Variants in POLG observed in about 807,000 individuals in gnomAD.
POLG encodes DNA polymerase gamma, catalytic subunit, also known as DNA polymerase subunit gamma-1.
A neutral mutation model predicts 155.4 loss-of-function variants in POLG; 110 were observed. The ratio of observed to expected loss-of-function variants is 0.71; its 90% CI spans 0.61 to 0.83. The LOEUF is 0.83. Ranked by LOEUF, POLG falls within the 40% of genes least tolerant of loss-of-function variation. POLG has a pLI of 0.00. For synonymous variants in POLG, 701 were observed against 631.5 expected (o/e 1.11, Z -1.65); for missense variants, 1,685 against 1,627.5 (o/e 1.04, Z -0.61).
chr15:89,322,653 G>T, intron 14 of POLG, 89 bp downstream of exon 14: 2 of 1,413,522 alleles, frequency 1.4e-6, no homozygotes, highest in Non-Finnish European at 2.0e-6. Context: ...AGTCAGGCTG[G>T]CCCTCTGTGG....
chr15:89,317,449 C>A lies in POLG; in HGVS notation c.3570G>T (p.Arg1190Ser), dbSNP rs531174853. 2 of 1,614,120 alleles carry A rather than the reference C, an allele frequency of 1.2e-6. No homozygotes were observed. The highest frequency in any genetic ancestry group is 2.7e-5 in the African/African-American group (2 of 75,032). Residue 1190 changes from arginine (R) to serine (S), a missense_variant, in exon 22 of 23, where the codon AGG becomes AGT. Coordinates refer to ENST00000268124, the MANE Select transcript of POLG (RefSeq NM_002693.3). The stretch of plus-strand genomic sequence containing the variant: ...TTTTACAATCCATGGTCACTTCCTT[C>A]CTGAGGCACCGGTCAATATCGACTG... ...FSAVDIDRCL[R>S]KEVTMDCKTP... is the part of the protein sequence containing the mutation.
chr15:89,325,774 C>G, intron 9 of POLG, 88 bp from the exon 10 acceptor site: 1 of 1,045,442 alleles, frequency 9.6e-7, no homozygotes, highest in Non-Finnish European at 1.5e-6. Context: ...TCCCCACCCA[C>G]CCTCCAAAGC....
chr15:89,318,809 G>C, intron 20 of POLG, 60 bp from the exon 21 acceptor site: 1 of 1,560,088 alleles, frequency 6.4e-7, no homozygotes. Flanking sequence ...TTAACTCCAG[G>C]GTAGAAGCCC....
chr15:89,329,506 G>A (rs1368962993), intron 3 of POLG, among the ~76,000 whole-genome samples: 5 of 152,178 alleles, frequency 3.3e-5, no homozygotes, highest in Non-Finnish European at 7.3e-5. Flanking sequence ...AAGGCTGTCT[G>A]AGCCTCAGCA....
In POLG at chr15:89,318,914, C is replaced by T. The variant is rs368578878; in HGVS notation, c.3273+17G>A. On this transcript the variant is annotated intron_variant, in intron 20 of 22. Coordinates refer to ENST00000268124, the MANE Select transcript of POLG (RefSeq NM_002693.3). ...CCCTGGGGCCCCTCTGCCCATGCTC[C>T]AAAGGTAGCAAGATACCTCTTCCTG... The T allele has an allele frequency of 1.9e-6, 3 of 1,614,018 alleles. No homozygotes were observed. The highest frequency in any genetic ancestry group is 1.7e-5 in the Admixed American group (1 of 60,030).
chr15:89,321,237 C>T lies in POLG; in HGVS notation c.2622G>A (p.Leu874=). The T allele has an allele frequency of 1.2e-6, 2 of 1,614,180 alleles. No homozygotes were observed. The highest frequency in any genetic ancestry group is 2.7e-5 in the African/African-American group (2 of 75,052). ...CAGGTGGGGCCTGCACCATGGCTTT[C>T]AACTCACTGCCTACTCGGTCAGGCT... ...NARPDRVGSE[L]KAMVQAPPGY... is the part of the protein sequence containing the mutation. Residue 874 remains leucine (L), a synonymous_variant, in exon 17 of 23, where the codon TTG becomes TTA. Coordinates refer to ENST00000268124, the MANE Select transcript of POLG (RefSeq NM_002693.3).
At position 89,328,837 on chromosome 15, in the gene POLG, G is replaced by A. The variant is rs1325445341; in HGVS notation, c.1024-6C>T. ...AGCCAGTCCCAGGATGAGATCTGGG[G>A]AACCAGAGCAAGGGACATGGCAGAT... On this transcript the variant is annotated splice_region_variant and splice_polypyrimidine_tract_variant and intron_variant, in intron 4 of 22. Transcript: ENST00000268124. 6.2e-7 allele frequency: 1 copy of A among 1,614,058 alleles called. No individual in the cohort carries two copies. Among genetic ancestry groups the A allele is most frequent in the Admixed American group, 1.7e-5 (1 of 60,034 alleles).
chr15:89,333,432 TGCAGGTGCTCGACGCTGCGGCGCACCGCG>T lies in POLG; in HGVS notation c.294_322del (p.Ala99GlufsTer135), dbSNP rs1176816424. The T allele has an allele frequency of 6.2e-7, 1 of 1,609,082 alleles. No homozygotes were observed. Among genetic ancestry groups the T allele is most frequent in the South Asian group, 1.1e-5 (1 of 91,060 alleles). ...TGGCTGCCCCCAGAGCCCGTGCTTCTGCAGGTGCTCGACGCTGCGGCGCACCGCGGCCTCGCCAGGCATCTCCCCTCCTT... is the reference window on the plus strand; with the variant it reads ...TGGCTGCCCCCAGAGCCCGTGCTTCTGCCTCGCCAGGCATCTCCCCTCCTT... On this transcript the variant is annotated frameshift_variant, in exon 2 of 23. Coordinates refer to ENST00000268124, the MANE Select transcript of POLG (RefSeq NM_002693.3). LOFTEE classifies it high-confidence loss of function.
chr15:89,329,414 T>C (rs2055566565), intron 3 of POLG, among the ~76,000 whole-genome samples: 1 of 152,040 alleles, frequency 6.6e-6, no homozygotes, highest in South Asian at 2.1e-4. Flanking sequence ...AGATACAGAG[T>C]GGCCAAAATA....
At chr15:89,319,142 C>G (rs2055356414) in intron 19 of POLG, 43 bp from the exon 20 acceptor site, 1 of 1,614,042 alleles carries the variant, frequency 6.2e-7, no homozygotes, top group Admixed American at 1.7e-5. Flanking sequence ...CTTTCAGCAT[C>G]TCAAAGCTAA....
At chr15:89,324,392 C>T in intron 10 of POLG, 165 bp from the exon 11 acceptor site, 1 of 804,496 alleles carries the variant, frequency 1.2e-6, no homozygotes, top group Non-Finnish European at 2.1e-6. Context: ...GATTGATTGA[C>T]AAACTGAAAA....
Position 89,333,929 on chromosome 15 carries a change from G to A in POLG, c.-159-16C>T, listed in dbSNP as rs1353718890. ...ACCCCAAATCCTAAAGGAGACAGATGATATAAAGCGTTATTTTACCATATA... is the reference window on the plus strand; with the variant it reads ...ACCCCAAATCCTAAAGGAGACAGATAATATAAAGCGTTATTTTACCATATA... On this transcript the variant is annotated splice_polypyrimidine_tract_variant and intron_variant, in intron 1 of 22. Coordinates refer to ENST00000268124, the MANE Select transcript of POLG (RefSeq NM_002693.3). 8.8e-6 allele frequency: 6 copies of A among 679,868 alleles called. No homozygotes were observed. Among genetic ancestry groups the A allele is most frequent in the South Asian group, 3.6e-5 (2 of 54,866 alleles). The allele number at this position is 679,868 out of a possible 1,614,324, so 42.1% of individuals were successfully genotyped here.
intron 10 of POLG, 138 bp downstream of exon 10, chr15:89,325,312 G>T (rs1299338777): frequency 1.5e-6 from 1 of 689,640 alleles, no homozygotes; most frequent in African/African-American, 1.8e-5. Context: ...GTGTGTGTGT[G>T]TGTTAATTTT....
intron 16 of POLG, 143 bp from the exon 17 acceptor site, chr15:89,321,403 G>T: frequency 1.0e-6 from 1 of 970,900 alleles, no homozygotes; most frequent in Non-Finnish European, 1.6e-6. Flanking sequence ...CACAGTTCCA[G>T]AGATGGCCAC....
chr15:89,317,287 T>C (rs376292486), intron 22 of POLG, 89 bp downstream of exon 22: 3 of 1,290,536 alleles, frequency 2.3e-6, no homozygotes, highest in Non-Finnish European at 1.1e-6. Flanking sequence ...GTGGATTCTC[T>C]GGGGCCCCAA....
chr15:89,323,326 G>T lies in POLG; in HGVS notation c.2265+78C>A. The T allele has an allele frequency of 4.6e-6, 4 of 864,480 alleles. No individual in the cohort carries two copies. In the South Asian group the frequency reaches 5.6e-5, roughly 12 times the overall value. 53.6% of individuals were successfully genotyped at this position (864,480 alleles called of 1,614,324 possible). A position where few individuals can be genotyped will look rare whatever the true frequency, so the allele number is the denominator to read the frequency against. On this transcript the variant is annotated intron_variant, in intron 13 of 22. Transcript: ENST00000268124. The stretch of plus-strand genomic sequence containing the variant: ...TCCCACAAAAAGGAAAGTCTCAGGT[G>T]TGTCACTCTGAAGGCCTGCTGTGGG...
At chr15:89,324,324 G>C (rs2055441518) in intron 10 of POLG, 97 bp from the exon 11 acceptor site, 2 of 1,404,790 alleles carry the variant, frequency 1.4e-6, no homozygotes. Flanking sequence ...CCTTTGTTTA[G>C]TCCTCAGAAT....
intron 4 of POLG, 51 bp downstream of exon 4, chr15:89,328,892 G>T (rs1408073585): frequency 6.2e-7 from 1 of 1,613,814 alleles, no homozygotes; most frequent in Non-Finnish European, 8.5e-7. Flanking sequence ...ACGGGCTGGT[G>T]AGAGGGGGTC....
In POLG at chr15:89,321,199, A is replaced by G; in HGVS notation, c.2660T>C (p.Val887Ala). Reference protein sequence around the residue: ...MVQAPPGYTLVGADVDSQELW... With the variant: ...MVQAPPGYTLAGADVDSQELW... ...CTCTTGGGAGTCCACATCAGCACCC[A>G]CAAGGGTGTAGCCAGGTGGGGCCTG... Residue 887 changes from valine (V) to alanine (A), a missense_variant, in exon 17 of 23, where the codon GTG becomes GCG. By Grantham distance (64) the Val-to-Ala change is moderately conservative. Transcript: ENST00000268124. 6.2e-7 allele frequency: 1 copy of G among 1,614,194 alleles called. No individual in the cohort carries two copies. The highest frequency in any genetic ancestry group is 8.5e-7 in the Non-Finnish European group (1 of 1,180,010).
Sources: allele counts gnomAD v4.1 joint callset (sites outside exome capture counted in the v4.1 genomes callset), GRCh38; gene constraint gnomAD v4.1.1; transcripts MANE v1.5; gene names NCBI Gene and HGNC (gene_info 2026-07-23, HGNC 2026-07-21).